The following ATP6V1G3 variants were observed in gnomAD, a reference collection of about 807,000 sequenced individuals.
ATP6V1G3 encodes V-type proton ATPase subunit G 3.
In ATP6V1G3, 9 loss-of-function variants were observed where a neutral mutation model predicts 9.3. The observed-to-expected ratio is 0.97, with a 90% confidence interval of 0.59 to 1.69. ATP6V1G3 has a LOEUF of 1.69. ATP6V1G3 is among the 40% of genes most tolerant of loss of function. ATP6V1G3 has a pLI of 0.00. For synonymous variants in ATP6V1G3, 43 were observed against 43.8 expected (o/e 0.98, Z 0.07); for missense variants, 133 against 139.0 (o/e 0.96, Z 0.22).
Position 198,540,539 on chromosome 1 carries a change from C to T in ATP6V1G3, c.82+30G>A, listed in dbSNP as rs764586426. On this transcript the variant is annotated intron_variant, in intron 1 of 2. Transcript: ENST00000367382. ...CTGCATTCCACTGCTTTGTTTATTT[C>T]GTGACAGACCCCTCACAGGTGAGAC... The T allele has an allele frequency of 2.1e-5, 34 of 1,597,614 alleles. No individual in the cohort carries two copies. In the East Asian group the frequency reaches 2.7e-4, roughly 13 times the overall value.
intron 1 of ATP6V1G3, among the ~76,000 whole-genome samples, chr1:198,529,698 A>G (rs1659818702): frequency 6.6e-6 from 1 of 152,130 alleles, no homozygotes; most frequent in South Asian, 2.1e-4. Context: ...ACAATTTTTA[A>G]AAACGTTTTA....
intron 1 of ATP6V1G3, among the ~76,000 whole-genome samples, chr1:198,531,449 C>T (rs566983992): frequency 2.5e-4 from 38 of 152,154 alleles, no homozygotes; most frequent in African/African-American, 6.0e-4. Context: ...TGACCAAAAG[C>T]GGGGAGAAAA....
At chr1:198,540,488 C>G in intron 1 of ATP6V1G3, 81 bp downstream of exon 1, 27 of 1,453,160 alleles carry the variant, frequency 1.9e-5, no homozygotes, top group Non-Finnish European at 2.5e-5. Flanking sequence ...ACAAGGTCTG[C>G]CTAATCCAAA....
intron 1 of ATP6V1G3, among the ~76,000 whole-genome samples, chr1:198,531,082 G>C (rs1341439025): frequency 6.6e-6 from 1 of 152,064 alleles, no homozygotes; most frequent in Non-Finnish European, 1.5e-5. Flanking sequence ...CTGTATATTA[G>C]CTCCATCACA....
intron 1 of ATP6V1G3, among the ~76,000 whole-genome samples, chr1:198,531,403 C>T (rs1350135833): frequency 6.6e-6 from 1 of 152,180 alleles, no homozygotes; most frequent in Admixed American, 6.6e-5. Context: ...TAAAATTATA[C>T]TTATTTCTTT....
At chr1:198,525,925 T>A (rs1659636561) in intron 2 of ATP6V1G3, among the ~76,000 whole-genome samples, 3 of 152,164 alleles carry the variant, frequency 2.0e-5, no homozygotes, top group Admixed American at 2.0e-4. Context: ...AGTTTAACTC[T>A]GAACAAGTAA....
chr1:198,536,842 C>G (rs765528355), intron 1 of ATP6V1G3: 8 of 803,398 alleles, frequency 1.0e-5, no homozygotes, highest in Non-Finnish European at 1.4e-5. Context: ...ATAAAAATAA[C>G]TCTAGTGTGT....
rs182626688 is a variant in ATP6V1G3 at position 198,525,458 on chromosome 1, A to T, written c.184-1894T>A. Among the ~76,000 whole-genome samples the T allele has an allele frequency of 1.4e-3, 219 of 152,220 alleles. 1 individual carries two copies. Among genetic ancestry groups the T allele is most frequent in the African/African-American group, 5.0e-3 (207 of 41,538 alleles). ...TTATAGGGATAATATCATCCATTTG[A>T]TAAGATACTGTAAAATGCAAACCAG... On this transcript the variant is annotated intron_variant, in intron 2 of 2. Coordinates refer to ENST00000367382, the MANE Select transcript of ATP6V1G3 (RefSeq NM_001376861.1).
At position 198,529,195 on chromosome 1, in the gene ATP6V1G3, AATATATATAT is replaced by A. The variant is rs139314248; in HGVS notation, c.83-24_83-15del. 8.6e-6 allele frequency: 4 copies of A among 466,312 alleles called. No individual in the cohort carries two copies. Among genetic ancestry groups the A allele is most frequent in the African/African-American group, 4.5e-5 (2 of 44,816 alleles). The allele number at this position is 466,312 out of a possible 1,614,324, so 28.9% of individuals were successfully genotyped here. On this transcript the variant is annotated splice_polypyrimidine_tract_variant and intron_variant, in intron 1 of 2. Coordinates refer to ENST00000367382, the MANE Select transcript of ATP6V1G3 (RefSeq NM_001376861.1). Reference sequence around the variant, plus strand: ...GCTTTCCTTTTCCTGAAAATTAACAAATATATATATATATATATATAATTATATATATCAA... The same window carrying A: ...GCTTTCCTTTTCCTGAAAATTAACAAATATATATATAATTATATATATCAA...
intron 1 of ATP6V1G3, chr1:198,536,577 A>G: frequency 1.0e-6 from 1 of 956,268 alleles, no homozygotes; most frequent in Non-Finnish European, 1.5e-6. Context: ...CCAAAATAGT[A>G]AGGCAGTTTT....
intron 1 of ATP6V1G3, among the ~76,000 whole-genome samples, chr1:198,534,157 G>A (rs1660018205): frequency 6.6e-6 from 1 of 152,178 alleles, no homozygotes; most frequent in South Asian, 2.1e-4. Flanking sequence ...TACCTCTGAT[G>A]TAACCTTACT....
rs747696479 is a variant in ATP6V1G3, at chr1:198,523,577, A to AACAG, written c.184-17_184-14dup. On this transcript the variant is annotated splice_polypyrimidine_tract_variant and intron_variant, in intron 2 of 2. Coordinates refer to ENST00000367382, the MANE Select transcript of ATP6V1G3 (RefSeq NM_001376861.1). ...GAGAGCCCATTATCTACCAAAACAA[A>AACAG]ACAGACAGAATTCACATCATAATAC... is the stretch of plus-strand genomic sequence containing the variant. The AACAG allele has an allele frequency of 5.6e-6, 9 of 1,606,722 alleles. No homozygotes were observed. Among genetic ancestry groups the AACAG allele is most frequent in the Non-Finnish European group, 6.8e-6 (8 of 1,176,880 alleles).
intron 1 of ATP6V1G3, among the ~76,000 whole-genome samples, chr1:198,539,561 C>G (rs1480410097): frequency 6.6e-6 from 1 of 152,088 alleles, no homozygotes; most frequent in Non-Finnish European, 1.5e-5. Context: ...TTTTATTATG[C>G]AAATTGTGTA....
intron 1 of ATP6V1G3, among the ~76,000 whole-genome samples, chr1:198,535,670 G>A (rs1398439623): frequency 6.6e-6 from 1 of 152,058 alleles, no homozygotes; most frequent in East Asian, 1.9e-4. Context: ...TATATGCCAA[G>A]TGGTGTTTTA....
At chr1:198,524,971 A>G (rs190600890) in intron 2 of ATP6V1G3, among the ~76,000 whole-genome samples, 2 of 152,292 alleles carry the variant, frequency 1.3e-5, no homozygotes, top group Admixed American at 1.3e-4. Context: ...AATGCCACTG[A>G]GGCGCTTGGG....
At chr1:198,527,354 T>G (rs1306480756) in intron 2 of ATP6V1G3, among the ~76,000 whole-genome samples, 1 of 151,912 alleles carries the variant, frequency 6.6e-6, no homozygotes, top group Non-Finnish European at 1.5e-5. Context: ...ATGAGAGAGA[T>G]GAGGAGTTTT....
chr1:198,530,481 T>C (rs562048624), intron 1 of ATP6V1G3, among the ~76,000 whole-genome samples: 2 of 152,298 alleles, frequency 1.3e-5, no homozygotes, highest in Admixed American at 6.5e-5. Context: ...AACTGAAATG[T>C]GTCTCTTTTA....
rs527371839 is a variant in ATP6V1G3 at position 198,538,318 on chromosome 1, G to A, written c.82+2251C>T. On this transcript the variant is annotated intron_variant, in intron 1 of 2. Transcript: ENST00000367382. ...GCCCAAGGACAGCATATTCACTAGA[G>A]AAAAGCAAAAGAAATTGGACTTTTA... Among the ~76,000 whole-genome samples the A allele has an allele frequency of 1.2e-3, 177 of 152,240 alleles. 1 individual carries two copies. Among genetic ancestry groups the A allele is most frequent in the African/African-American group, 4.1e-3 (172 of 41,546 alleles).
At chr1:198,537,035 C>T (rs1660141559) in intron 1 of ATP6V1G3, among the ~76,000 whole-genome samples, 1 of 152,176 alleles carries the variant, frequency 6.6e-6, no homozygotes, top group Non-Finnish European at 1.5e-5. Flanking sequence ...TTATACTCTA[C>T]TACTTCCCAG....
Sources: allele counts gnomAD v4.1 joint callset (sites outside exome capture counted in the v4.1 genomes callset), GRCh38; gene constraint gnomAD v4.1.1; transcripts MANE v1.5; gene names NCBI Gene and HGNC (gene_info 2026-07-23, HGNC 2026-07-21).